Variants in TMEM266 observed in about 807,000 individuals in gnomAD.
TMEM266 encodes the protein transmembrane protein 266.
TMEM266 carries 33 observed loss-of-function variants against 50.5 expected under a neutral mutation model. The observed-to-expected ratio is 0.65, with a 90% CI of 0.50 to 0.87. The LOEUF is 0.87. Among genes scored for constraint, TMEM266 ranks in the 40% least tolerant of loss-of-function variants. The pLI, the probability that TMEM266 is intolerant of heterozygous loss-of-function variation, is 0.00. For synonymous variants in TMEM266, 310 were observed against 292.3 expected, an observed-to-expected ratio of 1.06 and a Z score of -0.62; for missense variants, 655 against 695.1, an observed-to-expected ratio of 0.94 and a Z score of 0.65.
intron 1 of TMEM266, among the ~76,000 whole-genome samples, chr15:76,103,271 G>A (rs1160886808): frequency 1.3e-5 from 2 of 152,076 alleles, no homozygotes; most frequent in African/African-American, 4.8e-5. Flanking sequence ...GGGAGGCCAA[G>A]GCAGGAGGAT....
At chr15:76,112,354 T>C (rs1719257969) in intron 1 of TMEM266, among the ~76,000 whole-genome samples, 1 of 152,186 alleles carries the variant, frequency 6.6e-6, no homozygotes, top group South Asian at 2.1e-4. Context: ...AAATGCAACA[T>C]GTTAAAAATA....
chr15:76,099,309 G>A (rs867774097), intron 1 of TMEM266, among the ~76,000 whole-genome samples: 1 of 152,214 alleles, frequency 6.6e-6, no homozygotes, highest in Non-Finnish European at 1.5e-5. Flanking sequence ...GTCCCTCACA[G>A]CTTCCCTTGG....
intron 1 of TMEM266, among the ~76,000 whole-genome samples, chr15:76,078,885 A>G (rs377482571): frequency 6.6e-6 from 1 of 152,258 alleles, no homozygotes; most frequent in Non-Finnish European, 1.5e-5. Context: ...CACTCCCTGC[A>G]TAGGCTCTGG....
At chr15:76,169,976 T>A in intron 6 of TMEM266, 104 bp downstream of exon 6, 2 of 1,271,442 alleles carry the variant, frequency 1.6e-6, no homozygotes, top group Non-Finnish European at 2.3e-6. Context: ...AGAAGGCTGG[T>A]TCCTTCTCCC....
At chr15:76,191,257 G>C (rs1314947368) in intron 8 of TMEM266, among the ~76,000 whole-genome samples, 1 of 152,238 alleles carries the variant, frequency 6.6e-6, no homozygotes, top group Non-Finnish European at 1.5e-5. Flanking sequence ...AATATCAGAA[G>C]GTGATAAGTG....
chr15:76,134,286 A>G lies in TMEM266; in HGVS notation c.23A>G (p.Asn8Ser). The G allele has an allele frequency of 1.2e-6, 2 of 1,614,054 alleles. No individual in the cohort carries two copies. The highest frequency in any genetic ancestry group is 1.7e-6 in the Non-Finnish European group (2 of 1,179,932). ...CCCATGGCTGTGGCTCCATCTTTCAACATGACCAATCCACAGTAAGTAATG... is the reference window on the plus strand; with the variant it reads ...CCCATGGCTGTGGCTCCATCTTTCAGCATGACCAATCCACAGTAAGTAATG... The change falls in exon 2 of 11, where the codon AAC (asparagine) becomes AGC (serine). Residue 8 changes from asparagine to serine, a missense_variant. By Grantham distance (46) the Asn-to-Ser change is conservative (BLOSUM62 1). Around this residue, in one of 3 missense-constraint regions of TMEM266, gnomAD observed 99 missense variants for 110.8 expected, o/e 0.89. Transcript: ENST00000388942.
intron 8 of TMEM266, 65 bp downstream of exon 8, chr15:76,175,739 C>T: frequency 7.4e-7 from 1 of 1,354,608 alleles, no homozygotes; most frequent in Non-Finnish European, 1.0e-6. Context: ...TGCCTAAAGC[C>T]ATGGGTTGCT....
At chr15:76,159,992 C>A in intron 4 of TMEM266, 103 bp from the exon 5 acceptor site, 1 of 1,099,606 alleles carries the variant, frequency 9.1e-7, no homozygotes, top group Non-Finnish European at 1.4e-6. Context: ...TTCATGCAGG[C>A]GGGCCCCGGG....
intron 1 of TMEM266, among the ~76,000 whole-genome samples, chr15:76,070,571 G>A (rs2036524114): frequency 1.3e-5 from 2 of 152,136 alleles, no homozygotes; most frequent in African/African-American, 4.8e-5. Context: ...TGGTGGCTAG[G>A]TACAGCTCAA....
chr15:76,073,644 C>G (rs182746888), intron 1 of TMEM266, among the ~76,000 whole-genome samples: 36 of 152,324 alleles, frequency 2.4e-4, no homozygotes, highest in African/African-American at 8.7e-4. Context: ...TTGGAAAAGT[C>G]AAGCATAGAT....
intron 9 of TMEM266, among the ~76,000 whole-genome samples, chr15:76,201,912 C>G (rs527404593): frequency 9.8e-5 from 15 of 152,340 alleles, no homozygotes. Context: ...CCACACCCCT[C>G]ATCTCAGAGA....
intron 1 of TMEM266, among the ~76,000 whole-genome samples, chr15:76,082,466 G>A (rs2036709668): frequency 6.6e-6 from 1 of 152,184 alleles, no homozygotes; most frequent in Non-Finnish European, 1.5e-5. Flanking sequence ...GTATTATAAT[G>A]TTTTGAACAG....
chr15:76,076,635 A>AT (rs2036611808), intron 1 of TMEM266, among the ~76,000 whole-genome samples: 1 of 152,126 alleles, frequency 6.6e-6, no homozygotes, highest in South Asian at 2.1e-4. Context: ...ACTCACAGGC[A>AT]GAGCAAGAAG....
chr15:76,148,941 A>G (rs976663703), intron 3 of TMEM266, among the ~76,000 whole-genome samples: 1 of 152,206 alleles, frequency 6.6e-6, no homozygotes, highest in Non-Finnish European at 1.5e-5. Context: ...ACTTCAATTT[A>G]TTTAGTTATC....
At chr15:76,166,057 G>A (rs931256653) in intron 5 of TMEM266, among the ~76,000 whole-genome samples, 2 of 152,180 alleles carry the variant, frequency 1.3e-5, no homozygotes, top group Non-Finnish European at 2.9e-5. Context: ...CTGCTTAAGC[G>A]GGGAGTCCTT....
At chr15:76,111,479 T>A (rs1379827554) in intron 1 of TMEM266, among the ~76,000 whole-genome samples, 1 of 151,960 alleles carries the variant, frequency 6.6e-6, no homozygotes, top group East Asian at 1.9e-4. Context: ...AGCCAATAGA[T>A]CTTAAATGTT....
chr15:76,131,373 T>TCAAA (rs981112756), intron 1 of TMEM266, among the ~76,000 whole-genome samples: 16 of 152,182 alleles, frequency 1.1e-4, no homozygotes, highest in South Asian at 6.2e-4. Context: ...AAACTCTGTC[T>TCAAA]CAAACAAACA....
At chr15:76,085,860 A>G (rs962273949) in intron 1 of TMEM266, among the ~76,000 whole-genome samples, 1 of 152,140 alleles carries the variant, frequency 6.6e-6, no homozygotes, top group African/African-American at 2.4e-5. Flanking sequence ...CAGTCTGGCC[A>G]ACATGGTGAA....
In TMEM266 at chr15:76,203,979, T is replaced by C. The variant is rs770342243; in HGVS notation, c.1260T>C (p.Ser420=). 2 of 1,609,888 alleles carry C rather than the reference T, an allele frequency of 1.2e-6. No individual in the cohort carries two copies. Among genetic ancestry groups the C allele is most frequent in the African/African-American group, 2.7e-5 (2 of 74,842 alleles). Residue 420 remains serine (S), a synonymous_variant, in exon 11 of 11, where the codon TCT becomes TCC. Coordinates refer to ENST00000388942, the MANE Select transcript of TMEM266 (RefSeq NM_152335.3). ...GCACTGCCCGCGAGGAGCCGTCCTC[T>C]GAGCCCGGCCCTTCTCCCCCGCCGC... is the stretch of plus-strand genomic sequence containing the variant.
Sources: allele counts gnomAD v4.1 joint callset (sites outside exome capture counted in the v4.1 genomes callset), GRCh38; gene constraint gnomAD v4.1.1; regional missense constraint gnomAD v4.1.1; transcripts MANE v1.5; gene names NCBI Gene and HGNC (gene_info 2026-07-23, HGNC 2026-07-21).